The following ROBO2 variants were observed in gnomAD, a reference collection of about 807,000 sequenced individuals.
ROBO2 encodes roundabout guidance receptor 2.
In ROBO2, 53 loss-of-function variants were observed where a neutral mutation model predicts 160.8. That is an observed-to-expected ratio of 0.33 (90% CI 0.26 to 0.41). The LOEUF is 0.41. ROBO2 is among the 10% of genes least tolerant of loss of function. The pLI, the probability that ROBO2 is intolerant of heterozygous loss-of-function variation, is 1.00. For synonymous variants in ROBO2, 664 were observed against 611.7 expected, an observed-to-expected ratio of 1.09 and a Z score of -1.26; for missense variants, 1,577 against 1,722.4, an observed-to-expected ratio of 0.92 and a Z score of 1.49.
At chr3:76,325,500 G>A (rs2072938060) in intron 2 of ROBO2, among the ~76,000 whole-genome samples, 3 of 152,106 alleles carry the variant, frequency 2.0e-5, no homozygotes, top group Middle Eastern at 6.8e-3. Context: ...GGGATGTCAG[G>A]TATCAGACCA....
intron 2 of ROBO2, among the ~76,000 whole-genome samples, chr3:77,229,135 A>T (rs956502814): frequency 6.6e-6 from 1 of 152,140 alleles, no homozygotes; most frequent in Non-Finnish European, 1.5e-5. Context: ...ACAGCTACTG[A>T]TATGGCAGCA....
chr3:76,969,316 AC>A (rs2059457790), intron 2 of ROBO2, among the ~76,000 whole-genome samples: 1 of 152,186 alleles, frequency 6.6e-6, no homozygotes, highest in African/African-American at 2.4e-5. Flanking sequence ...CTTTTGTGTG[AC>A]TATGGCTTCT....
intron 2 of ROBO2, among the ~76,000 whole-genome samples, chr3:77,004,148 C>A (rs895517998): frequency 2.6e-5 from 4 of 152,102 alleles, no homozygotes; most frequent in African/African-American, 9.7e-5. Flanking sequence ...AGGTCTATAT[C>A]ATAAACTCTG....
chr3:76,060,687 G>A (rs2068044300), intron 2 of ROBO2, among the ~76,000 whole-genome samples: 1 of 152,062 alleles, frequency 6.6e-6, no homozygotes, highest in Admixed American at 6.6e-5. Context: ...CTAGTCCAAG[G>A]TTTTTGCTTA....
intron 2 of ROBO2, among the ~76,000 whole-genome samples, chr3:77,380,493 T>C (rs1277304049): frequency 1.3e-5 from 2 of 152,164 alleles, no homozygotes; most frequent in East Asian, 3.9e-4. Flanking sequence ...GAAATAACTA[T>C]CAAAGGAGAA....
intron 2 of ROBO2, among the ~76,000 whole-genome samples, chr3:76,458,030 C>T (rs1002189347): frequency 3.9e-5 from 6 of 152,124 alleles, no homozygotes; most frequent in African/African-American, 1.4e-4. Flanking sequence ...TCTGACATGG[C>T]CTGGAGATAT....
intron 2 of ROBO2, among the ~76,000 whole-genome samples, chr3:76,205,251 C>T (rs895932471): frequency 2.6e-5 from 4 of 152,102 alleles, no homozygotes; most frequent in East Asian, 1.9e-4. Context: ...ATTTTGTACC[C>T]GTGAGTTCAA....
At chr3:77,252,115 C>A (rs1287610943) in intron 2 of ROBO2, among the ~76,000 whole-genome samples, 1 of 152,156 alleles carries the variant, frequency 6.6e-6, no homozygotes, top group Non-Finnish European at 1.5e-5. Context: ...ATTTCCTCAG[C>A]CAGATATCCT....
rs1441714324 is a variant in ROBO2, at chr3:77,180,412, CTCTCTA to C, written c.388+82074_388+82079del. ...ATTCTCTCTCTCTCTCTCTCTCTCT[CTCTCTA>C]TATATATATATATGTATTTTTTTTT... On this transcript the variant is annotated intron_variant, in intron 2 of 25. Coordinates refer to ENST00000461745, the Ensembl canonical transcript of ROBO2. Among the ~76,000 whole-genome samples the C allele has an allele frequency of 2.5e-3, 230 of 93,778 alleles. 2 individuals are homozygous for C. The highest frequency in any genetic ancestry group is 0.01 in the East Asian group (41 of 3,930). 61.5% of individuals were successfully genotyped at this position (93,778 alleles called of 152,430 possible). A position where few individuals can be genotyped will look rare whatever the true frequency, so the allele number is the denominator to read the frequency against.
chr3:76,131,175 G>A (rs1373801001), intron 2 of ROBO2, among the ~76,000 whole-genome samples: 1 of 152,108 alleles, frequency 6.6e-6, no homozygotes, highest in African/African-American at 2.4e-5. Context: ...TTTTACATAA[G>A]TGCTTGAATT....
chr3:76,335,118 C>A (rs928626861), intron 2 of ROBO2, among the ~76,000 whole-genome samples: 26 of 150,958 alleles, frequency 1.7e-4, no homozygotes, highest in African/African-American at 6.3e-4. Context: ...ACTCTCAACT[C>A]TACCTCCAAA....
chr3:77,403,747 C>T (rs996024912), intron 2 of ROBO2, among the ~76,000 whole-genome samples: 9 of 151,610 alleles, frequency 5.9e-5, no homozygotes, highest in African/African-American at 2.2e-4. Flanking sequence ...ATTTTGTTTC[C>T]TTTTAAATAT....
chr3:76,842,338 T>G (rs1340544714), intron 2 of ROBO2, among the ~76,000 whole-genome samples: 1 of 152,170 alleles, frequency 6.6e-6, no homozygotes, highest in East Asian at 1.9e-4. Context: ...TCAATAATTA[T>G]TATTTGGTTG....
chr3:76,528,710 T>C (rs1196047679), intron 2 of ROBO2, among the ~76,000 whole-genome samples: 1 of 151,916 alleles, frequency 6.6e-6, no homozygotes, highest in Non-Finnish European at 1.5e-5. Context: ...AGCATATAGA[T>C]GGTATTTAAA....
At chr3:76,641,414 T>C (rs2090668766) in intron 2 of ROBO2, among the ~76,000 whole-genome samples, 2 of 152,106 alleles carry the variant, frequency 1.3e-5, no homozygotes, top group Admixed American at 6.5e-5. Context: ...GAAAATATCA[T>C]GTAAATCCAA....
intron 2 of ROBO2, among the ~76,000 whole-genome samples, chr3:76,687,361 G>C (rs771555261): frequency 3.3e-5 from 5 of 151,946 alleles, no homozygotes; most frequent in Non-Finnish European, 5.9e-5. Context: ...TATATAGAGA[G>C]AGTATAAAGG....
intron 22 of ROBO2, among the ~76,000 whole-genome samples, chr3:77,619,357 TAA>T (rs963500681): frequency 1.3e-5 from 2 of 152,136 alleles, no homozygotes; most frequent in African/African-American, 4.8e-5. Context: ...TTCTCTATAG[TAA>T]GTCATAGAAC....
intron 2 of ROBO2, among the ~76,000 whole-genome samples, chr3:77,176,839 T>C (rs901100250): frequency 1.3e-5 from 2 of 151,972 alleles, no homozygotes; most frequent in Non-Finnish European, 2.9e-5. Flanking sequence ...TTGTTTCTTA[T>C]ATAAAACTTA....
chr3:77,442,244 A>G (rs1037938602), intron 2 of ROBO2, among the ~76,000 whole-genome samples: 1 of 151,964 alleles, frequency 6.6e-6, no homozygotes, highest in Non-Finnish European at 1.5e-5. Context: ...CCCGGGAGGC[A>G]GAGTTTGCAG....
Sources: gnomAD v4.1 joint callset for allele counts (sites outside exome capture counted in the v4.1 genomes callset) on GRCh38, gnomAD v4.1.1 for gene constraint, MANE v1.5 for transcripts, NCBI Gene and HGNC (gene_info 2026-07-23, HGNC 2026-07-21) for gene names.